Variants in RABGAP1L observed in about 807,000 individuals in gnomAD.
RABGAP1L encodes the protein rab GTPase-activating protein 1-like.
A neutral mutation model predicts 137.7 loss-of-function variants in RABGAP1L; 63 were observed. The ratio of observed to expected loss-of-function variants is 0.46; its 90% confidence interval spans 0.37 to 0.56. The LOEUF (loss-of-function observed/expected upper bound fraction) is 0.56. Among genes scored for constraint, RABGAP1L ranks in the 20% least tolerant of loss-of-function variants. The probability of loss-of-function intolerance (pLI) is 0.00; values close to 1 mark genes in which losing one functional copy is unlikely to be tolerated. For missense variants in RABGAP1L, 1,095 were observed against 1,244.0 expected (o/e 0.88, Z 1.80); for synonymous variants, 431 against 433.7 (o/e 0.99, Z 0.08).
chr1:174,328,978 A>C (rs1680787054), intron 11 of RABGAP1L, among the ~76,000 whole-genome samples: 1 of 151,830 alleles, frequency 6.6e-6, no homozygotes, highest in Non-Finnish European at 1.5e-5. Flanking sequence ...AACAAAATTG[A>C]GGGAAGGAAA....
intron 13 of RABGAP1L, among the ~76,000 whole-genome samples, chr1:174,615,937 C>A (rs1000956580): frequency 6.6e-6 from 1 of 152,232 alleles, no homozygotes; most frequent in Non-Finnish European, 1.5e-5. Context: ...TGGAAAAGTG[C>A]AGTATTCGGG....
At chr1:174,357,392 C>T (rs1427912981) in intron 11 of RABGAP1L, among the ~76,000 whole-genome samples, 1 of 152,040 alleles carries the variant, frequency 6.6e-6, no homozygotes, top group Non-Finnish European at 1.5e-5. Flanking sequence ...TGAACATATT[C>T]CAAAAATAAA....
intron 18 of RABGAP1L, among the ~76,000 whole-genome samples, chr1:174,797,734 G>T (rs200666693): frequency 4.0e-5 from 6 of 149,790 alleles, no homozygotes; most frequent in Middle Eastern, 3.4e-3. Context: ...TGTGGGTGTG[G>T]GTGTGTGTGT....
At chr1:174,817,330 C>A (rs188066241) in intron 19 of RABGAP1L, among the ~76,000 whole-genome samples, 198 of 152,058 alleles carry the variant, frequency 1.3e-3, no homozygotes, top group Non-Finnish European at 4.0e-4. Context: ...GGAACTATGC[C>A]AAGAGGACTT....
At chr1:174,483,010 A>G (rs182746283) in intron 13 of RABGAP1L, among the ~76,000 whole-genome samples, 6 of 152,228 alleles carry the variant, frequency 3.9e-5, no homozygotes, top group South Asian at 2.1e-4. Flanking sequence ...TTGTGGGTAC[A>G]TGGTAGGTCT....
intron 13 of RABGAP1L, among the ~76,000 whole-genome samples, chr1:174,418,879 A>T (rs1258090622): frequency 2.0e-5 from 3 of 152,046 alleles, no homozygotes; most frequent in African/African-American, 7.3e-5. Flanking sequence ...TCTCTACGAA[A>T]ATGCAAAAAT....
chr1:174,702,611 T>C (rs1679743581), intron 17 of RABGAP1L, among the ~76,000 whole-genome samples: 2 of 152,172 alleles, frequency 1.3e-5, no homozygotes. Flanking sequence ...AATGCAGTTA[T>C]ACTGCAAGAG....
intron 13 of RABGAP1L, among the ~76,000 whole-genome samples, chr1:174,467,305 T>C (rs6684141): frequency 0.35 from 53,549 of 151,902 alleles, 12,083 homozygotes; most frequent in African/African-American, 0.64. Context: ...CTGTAGTCAT[T>C]TATCATCTTT....
intron 19 of RABGAP1L, among the ~76,000 whole-genome samples, chr1:174,910,151 A>C (rs897422520): frequency 1.3e-5 from 2 of 152,014 alleles, no homozygotes; most frequent in Non-Finnish European, 2.9e-5. Flanking sequence ...AAAAAAACAC[A>C]AACAAACAAG....
At chr1:174,860,032 T>A (rs982971665) in intron 19 of RABGAP1L, among the ~76,000 whole-genome samples, 1 of 148,928 alleles carries the variant, frequency 6.7e-6, no homozygotes, top group Non-Finnish European at 1.5e-5. Context: ...GGTTGCAGGA[T>A]TAATACAAGG....
intron 13 of RABGAP1L, among the ~76,000 whole-genome samples, chr1:174,610,581 G>T (rs996307471): frequency 3.3e-5 from 5 of 152,022 alleles, no homozygotes; most frequent in African/African-American, 1.2e-4. Flanking sequence ...GTAATGGGAT[G>T]GCTGGGTCAA....
At chr1:174,550,999 C>CACACATAT (rs1349225848) in intron 13 of RABGAP1L, among the ~76,000 whole-genome samples, 61 of 86,348 alleles carry the variant, frequency 7.1e-4, no homozygotes, top group South Asian at 1.2e-3. Flanking sequence ...TATATATACA[C>CACACATAT]ATATATATAT....
At chr1:174,208,036 C>G (rs1668620330) in intron 1 of RABGAP1L, among the ~76,000 whole-genome samples, 1 of 152,140 alleles carries the variant, frequency 6.6e-6, no homozygotes, top group African/African-American at 2.4e-5. Context: ...TTAATTAGAT[C>G]TGATTTAATT....
chr1:174,224,875 G>A (rs987620430), intron 3 of RABGAP1L, among the ~76,000 whole-genome samples: 1 of 151,662 alleles, frequency 6.6e-6, no homozygotes, highest in Non-Finnish European at 1.5e-5. Flanking sequence ...TTTGCTTTCA[G>A]TACTTTTATT....
At chr1:174,579,465 G>T (rs192229496) in intron 13 of RABGAP1L, among the ~76,000 whole-genome samples, 1 of 152,282 alleles carries the variant, frequency 6.6e-6, no homozygotes, top group African/African-American at 2.4e-5. Context: ...GTATGCATAT[G>T]CACTTGTACG....
intron 17 of RABGAP1L, among the ~76,000 whole-genome samples, chr1:174,733,066 A>G (rs1048367869): frequency 2.6e-5 from 4 of 152,184 alleles, no homozygotes; most frequent in Non-Finnish European, 4.4e-5. Flanking sequence ...ACTCTAAGTC[A>G]TATAGTTAGG....
intron 12 of RABGAP1L, among the ~76,000 whole-genome samples, chr1:174,372,044 C>T (rs182575237): frequency 6.6e-6 from 1 of 152,166 alleles, no homozygotes; most frequent in Non-Finnish European, 1.5e-5. Flanking sequence ...GAGATAAACC[C>T]TGAATGGCCA....
chr1:174,882,521 G>A (rs770785170), intron 19 of RABGAP1L, among the ~76,000 whole-genome samples: 2 of 152,108 alleles, frequency 1.3e-5, no homozygotes, highest in Non-Finnish European at 2.9e-5. Flanking sequence ...GGATTTTTCT[G>A]TTTTATTCAA....
At chr1:174,830,696 C>T (rs1692025658) in intron 19 of RABGAP1L, among the ~76,000 whole-genome samples, 1 of 147,794 alleles carries the variant, frequency 6.8e-6, no homozygotes, top group Non-Finnish European at 1.5e-5. Flanking sequence ...AGGCTGGTCT[C>T]GAACTCCTGA....
Sources: allele counts gnomAD v4.1 joint callset (sites outside exome capture counted in the v4.1 genomes callset), GRCh38; gene constraint gnomAD v4.1.1; transcripts MANE v1.5; gene names NCBI Gene and HGNC (gene_info 2026-07-23, HGNC 2026-07-21).